Variants in PCDH19 observed in about 807,000 individuals in gnomAD.
PCDH19 encodes the protein protocadherin-19.
Under a neutral mutation model 46.2 loss-of-function variants are expected in PCDH19, and 6 were observed. That is an observed-to-expected ratio of 0.13 (90% CI 0.07 to 0.26). The LOEUF is 0.26. Among genes scored for constraint, PCDH19 ranks in the 10% least tolerant of loss-of-function variants. PCDH19 has a pLI of 1.00. For missense variants in PCDH19, 740 were observed against 972.3 expected (o/e 0.76, Z 3.18); for synonymous variants, 481 against 415.7 (o/e 1.16, Z -1.91).
chrX:100,360,412 T>C (rs1926846985), intron 3 of PCDH19, among the ~76,000 whole-genome samples: 1 of 112,329 alleles, frequency 8.9e-6, no homozygotes, highest in African/African-American at 3.2e-5. Flanking sequence ...CAATAGATCA[T>C]TTTCTTGTTT....
chrX:100,384,298 A>C (rs990493002), intron 3 of PCDH19, among the ~76,000 whole-genome samples: 1 of 111,385 alleles, frequency 9.0e-6, no homozygotes, highest in Non-Finnish European at 1.9e-5. Context: ...TATTTCCAAT[A>C]AATTAAACCA....
At position 100,406,941 on chromosome X, in the gene PCDH19, T is replaced by C. The variant is rs796052818; in HGVS notation, c.1657A>G (p.Ile553Val). 4.1e-6 allele frequency: 5 copies of C among 1,209,776 alleles called. No homozygotes were observed. The highest frequency in any genetic ancestry group is 1.8e-5 in the African/African-American group (1 of 57,119). ...LQSNATVRVI[I>V]LDVNDNTPVI... ...GGGGTGTTGTCGTTGACGTCGAGGA[T>C]GATGACCCGCACCGTAGCGTTGCTT... Residue 553 changes from isoleucine (I) to valine (V), a missense_variant, in exon 1 of 6, where the codon ATC becomes GTC. Physicochemically the swap from Ile to Val is conservative, Grantham distance 29 (BLOSUM62 3). This residue lies in a region of PCDH19 where 186 missense variants were observed against 319.9 expected (regional missense o/e 0.58). Coordinates refer to ENST00000373034, the MANE Select transcript of PCDH19 (RefSeq NM_001184880.2).
intron 5 of PCDH19, among the ~76,000 whole-genome samples, chrX:100,319,546 T>TCGTA (rs1025842059): frequency 2.7e-5 from 3 of 111,952 alleles, no homozygotes; most frequent in African/African-American, 9.8e-5. Flanking sequence ...TAGGTTCTCC[T>TCGTA]CGTAGATCAG....
chrX:100,383,014 C>A (rs992083768), intron 3 of PCDH19, among the ~76,000 whole-genome samples: 1 of 112,802 alleles, frequency 8.9e-6, no homozygotes, highest in Non-Finnish European at 1.9e-5. Context: ...TGAAAGTTTT[C>A]TTTAATTTCA....
chrX:100,325,674 A>C (rs914116711), intron 5 of PCDH19, among the ~76,000 whole-genome samples: 19 of 112,405 alleles, frequency 1.7e-4, no homozygotes, highest in Admixed American at 1.9e-4. Flanking sequence ...GGCCAGGACT[A>C]TAATGATCTT....
intron 5 of PCDH19, among the ~76,000 whole-genome samples, chrX:100,323,655 C>T (rs776216348): frequency 9.0e-6 from 1 of 111,008 alleles, no homozygotes; most frequent in Non-Finnish European, 1.9e-5. Context: ...TGGTAGTATA[C>T]TGTGAATTGT....
rs796052802 is a variant in PCDH19 at position 100,407,979 on chromosome X, G to C, written c.619C>G (p.Arg207Gly). The change falls in exon 1 of 6, where the codon CGA becomes GGA. Residue 207 changes from arginine (R) to glycine (G), a missense_variant. By Grantham distance (125) the Arg-to-Gly change is moderately radical. Around this residue, in one of 5 missense-constraint regions of PCDH19, gnomAD observed 48 missense variants for 43.2 expected, o/e 1.11. Transcript: ENST00000373034. ...DRETQSHYSF[R>G]ITALDGGDPP... ...TCGCCACCGTCTAGCGCAGTGATTC[G>C]GAAGCTGTAGTGCGACTGCGTCTCG... The C allele has an allele frequency of 8.3e-7, 1 of 1,208,485 alleles. No homozygotes were observed. Among genetic ancestry groups the C allele is most frequent in the Admixed American group, 2.2e-5 (1 of 46,204 alleles).
intron 3 of PCDH19, among the ~76,000 whole-genome samples, chrX:100,367,240 C>T (rs2147505901): frequency 8.9e-6 from 1 of 112,055 alleles, no homozygotes; most frequent in Non-Finnish European, 1.9e-5. Context: ...TGTCAGGCCC[C>T]ATGGGAGACG....
At chrX:100,304,278 A>G (rs1924873152) in intron 5 of PCDH19, among the ~76,000 whole-genome samples, 1 of 111,568 alleles carries the variant, frequency 9.0e-6, no homozygotes, top group South Asian at 3.8e-4. Flanking sequence ...ACCAGCCCAT[A>G]GCCCAGTAGC....
At position 100,410,245 on chromosome X, in the gene PCDH19, T is replaced by A; in HGVS notation, c.-1648A>T. ...CGCCAGCCGCCGCCGCTACTGCTGC[T>A]GCTGCTCCTCCGGATGCCGCAAACT... On this transcript the variant is annotated 5_prime_UTR_variant, in exon 1 of 6. Coordinates refer to ENST00000373034, the MANE Select transcript of PCDH19 (RefSeq NM_001184880.2). The A allele has an allele frequency of 1.0e-5, 3 of 298,933 alleles. No individual in the cohort carries two copies. Among genetic ancestry groups the A allele is most frequent in the Non-Finnish European group, 1.8e-5 (3 of 171,307 alleles). 24.6% of individuals were successfully genotyped at this position (298,933 alleles called of 1,213,427 possible). A position where few individuals can be genotyped will look rare whatever the true frequency, so the allele number is the denominator to read the frequency against.
At chrX:100,349,664 G>A (rs1049481952) in intron 4 of PCDH19, among the ~76,000 whole-genome samples, 1 of 112,217 alleles carries the variant, frequency 8.9e-6, no homozygotes, top group Non-Finnish European at 1.9e-5. Context: ...ATACCCTGCT[G>A]GCCTCTCTGT....
At chrX:100,312,487 T>G (rs1925162002) in intron 5 of PCDH19, among the ~76,000 whole-genome samples, 1 of 111,956 alleles carries the variant, frequency 8.9e-6, no homozygotes, top group South Asian at 3.7e-4. Context: ...TCTTTAAAAT[T>G]TACTTTGAAT....
rs2147446027 is a variant in PCDH19, at chrX:100,296,586, G to A, written c.3138C>T (p.Pro1046=). The change falls in exon 6 of 6, where the codon CCC becomes CCT. Residue 1046 remains proline, a synonymous_variant. Transcript: ENST00000373034. The part of the protein sequence containing the change: ...KRTVDVTICS[P]KVNSVIREAG... ...CCTCCCGGATAACGCTGTTGACCTT[G>A]GGGCTGCAGATGGTCACATCGACAG... is the stretch of plus-strand genomic sequence containing the variant. 1 of 1,211,511 alleles carries A rather than the reference G, an allele frequency of 8.3e-7. No homozygotes were observed. The highest frequency in any genetic ancestry group is 1.1e-6 in the Non-Finnish European group (1 of 895,434).
rs1924530908 is a variant in PCDH19 at position 100,294,496 on chromosome X, C to G, written c.*1781G>C. 1.0e-5 allele frequency: 1 copy of G among 98,994 alleles called. No individual in the cohort carries two copies. The highest frequency in any genetic ancestry group is 1.2e-4 in the Admixed American group (1 of 8,496). 8.2% of individuals were successfully genotyped at this position (98,994 alleles called of 1,213,427 possible). A position where few individuals can be genotyped will look rare whatever the true frequency, so the allele number is the denominator to read the frequency against. ...GTAAAAGAAAATATTCCTAGTAATG[C>G]GTAAAGCTAGGAACTCAGGCAAAAA... On this transcript the variant is annotated 3_prime_UTR_variant, in exon 6 of 6. Transcript: ENST00000373034.
At chrX:100,322,865 A>ATATATATATATATATATATTTTTTTTTT in intron 5 of PCDH19, among the ~76,000 whole-genome samples, 8 of 54,402 alleles carry the variant, frequency 1.5e-4, no homozygotes, top group African/African-American at 3.4e-4. Flanking sequence ...ATATATATAT[A>ATATATATATATATATATATTTTTTTTTT]TTTTTGCAGC....
rs757952794 is a variant in PCDH19 at position 100,407,372 on chromosome X, C to G, written c.1226G>C (p.Gly409Ala). The change falls in exon 1 of 6, where the codon GGA (glycine) becomes GCA (alanine). Residue 409 changes from glycine to alanine, a missense_variant. Gly to Ala is a moderately conservative substitution (Grantham distance 60). Coordinates refer to ENST00000373034, the MANE Select transcript of PCDH19 (RefSeq NM_001184880.2). ...YESFSTILVD[G>A]RLDREQHDQY... ...GTCGTGCTGCTCGCGGTCCAGCCGT[C>G]CGTCCACCAGAATAGTGGAGAAGCT... is the stretch of plus-strand genomic sequence containing the variant. The G allele has an allele frequency of 1.8e-5, 22 of 1,212,187 alleles. No individual in the cohort carries two copies. Among genetic ancestry groups the G allele is most frequent in the Non-Finnish European group, 2.5e-5 (22 of 895,572 alleles).
At chrX:100,348,065 C>CAAAAAAAAAAA (rs1177957771) in intron 4 of PCDH19, among the ~76,000 whole-genome samples, 15 of 40,587 alleles carry the variant, frequency 3.7e-4, no homozygotes, top group East Asian at 7.9e-4. Flanking sequence ...GATTCCGTCT[C>CAAAAAAAAAAA]AAAAAAAAAA....
chrX:100,392,997 T>C lies in PCDH19; in HGVS notation c.2616+9527A>G, dbSNP rs772630704. On this transcript the variant is annotated intron_variant, in intron 3 of 5. Transcript: ENST00000373034. ...GCAGACTCCCTCAAGCCAAGAGAAT[T>C]AAAGAAGAGGAAAGCTTGATACAGA... is the stretch of plus-strand genomic sequence containing the variant. Among the ~76,000 whole-genome samples, 3 of 110,566 alleles carry C rather than the reference T, an allele frequency of 2.7e-5. No homozygotes were observed. The South Asian group carries it at 1.2e-3, about 43-fold the overall frequency.
At chrX:100,325,571 T>C (rs892719054) in intron 5 of PCDH19, among the ~76,000 whole-genome samples, 5 of 111,182 alleles carry the variant, frequency 4.5e-5, no homozygotes, top group Non-Finnish European at 9.4e-5. Flanking sequence ...GGTTTCACCA[T>C]GTTGGCCAGG....
Sources: gnomAD v4.1 joint callset for allele counts (sites outside exome capture counted in the v4.1 genomes callset) on GRCh38, gnomAD v4.1.1 for gene constraint, gnomAD v4.1.1 regional missense constraint, MANE v1.5 for transcripts, NCBI Gene and HGNC (gene_info 2026-07-23, HGNC 2026-07-21) for gene names.